KIF21B: variants seen among roughly 807,000 people sequenced by gnomAD.
KIF21B encodes the protein kinesin-like protein KIF21B.
In KIF21B, 85 loss-of-function variants were observed where a neutral mutation model predicts 192.9. The ratio of observed to expected loss-of-function variants is 0.44; its 90% confidence interval spans 0.37 to 0.53. The LOEUF (loss-of-function observed/expected upper bound fraction) is 0.53. Among genes scored for constraint, KIF21B ranks in the 20% least tolerant of loss-of-function variants. The pLI is 0.00. For synonymous variants in KIF21B, 832 were observed against 884.6 expected (o/e 0.94, Z 1.05); for missense variants, 1,716 against 2,194.8 (o/e 0.78, Z 4.36).
rs751075785 is a variant in KIF21B, at chr1:201,000,788, G to C, written c.1403-8C>G. 1 of 1,614,100 alleles carries C rather than the reference G, an allele frequency of 6.2e-7. No homozygotes were observed. The highest frequency in any genetic ancestry group is 1.1e-5 in the South Asian group (1 of 91,090). ...TGGCCTCATTGCCATCGCCTGGAGT[G>C]GGACGGCGGGAAGAAGGGTGCGATA... On this transcript the variant is annotated splice_region_variant and splice_polypyrimidine_tract_variant and intron_variant, in intron 9 of 34. Transcript: ENST00000461742. The surrounding 1 kb of genome is among the most constrained non-coding windows in gnomAD (Gnocchi z 6.0).
chr1:200,986,165 C>T (rs1348183919), intron 26 of KIF21B, among the ~76,000 whole-genome samples: 1 of 151,728 alleles, frequency 6.6e-6, no homozygotes, highest in Non-Finnish European at 1.5e-5. Context: ...TTCTCTCACA[C>T]CATAAGGCCT....
Position 200,999,961 on chromosome 1 carries a change from G to C in KIF21B, c.1689C>G (p.Pro563=), listed in dbSNP as rs1258518801. 6.2e-7 allele frequency: 1 copy of C among 1,613,754 alleles called. No homozygotes were observed. The highest frequency in any genetic ancestry group is 1.1e-5 in the South Asian group (1 of 91,074). ...KKEVRQRRKS[P]EKEAFKKRAK... ...CCCTCTTTTTGAAGGCTTCCTTCTC[G>C]GGGCTGCTCAGGGAGGACAGGGAAG... is the stretch of plus-strand genomic sequence containing the variant. Residue 563 remains proline (P), a synonymous_variant, in exon 12 of 35, where the codon CCC becomes CCG. Coordinates refer to ENST00000461742, the MANE Select transcript of KIF21B (RefSeq NM_001252102.2). The surrounding 1 kb of genome is among the most constrained non-coding windows in gnomAD (Gnocchi z 4.7).
At chr1:200,996,090 A>C in intron 15 of KIF21B, 106 bp downstream of exon 15, 2 of 1,159,340 alleles carry the variant, frequency 1.7e-6, no homozygotes, top group Non-Finnish European at 2.6e-6. Flanking sequence ...TGTGTTGAGA[A>C]GAGAATCCAC....
In KIF21B at chr1:200,999,825, AC is replaced by A; in HGVS notation, c.1767+57del. ...AAGGATGCGGATGGGGCCCCCGCCA[AC>A]CCCAGCAGGGACACAAGGCATGCAT... On this transcript the variant is annotated intron_variant, in intron 12 of 34. Transcript: ENST00000461742. The surrounding 1 kb of genome is among the most constrained non-coding windows in gnomAD (Gnocchi z 4.7). The A allele has an allele frequency of 6.3e-7, 1 of 1,585,084 alleles. No individual in the cohort carries two copies. The highest frequency in any genetic ancestry group is 8.6e-7 in the Non-Finnish European group (1 of 1,157,666).
At chr1:200,996,420 C>T (rs761473559) in intron 14 of KIF21B, 25 bp from the exon 15 acceptor site, 13 of 1,607,968 alleles carry the variant, frequency 8.1e-6, no homozygotes, top group South Asian at 1.1e-5. Context: ...ACGCAGCTGT[C>T]GGTGCTGGGT....
chr1:200,981,542 G>C (rs1655930561), intron 28 of KIF21B, among the ~76,000 whole-genome samples: 1 of 152,230 alleles, frequency 6.6e-6, no homozygotes, highest in South Asian at 2.1e-4. Context: ...CGAGTGTGAG[G>C]GAGGGGTGCT....
In KIF21B at chr1:201,005,698, T is replaced by C; in HGVS notation, c.448-4A>G. The C allele has an allele frequency of 6.2e-7, 1 of 1,613,372 alleles. No individual in the cohort carries two copies. On this transcript the variant is annotated splice_polypyrimidine_tract_variant and splice_region_variant and intron_variant, in intron 3 of 34. Transcript: ENST00000461742. Reference sequence around the variant, plus strand: ...CAAGGATCTCCTCGTTGTAGAGCTGTGCAGGAAGGAAACAGCTGAATTCAT... The same window carrying C: ...CAAGGATCTCCTCGTTGTAGAGCTGCGCAGGAAGGAAACAGCTGAATTCAT...
At chr1:200,981,163 G>C in intron 28 of KIF21B, 67 bp from the exon 29 acceptor site, 1 of 1,514,444 alleles carries the variant, frequency 6.6e-7, no homozygotes, top group Admixed American at 2.3e-5. Flanking sequence ...GCTGATCAAG[G>C]CACGTGTGTG....
chr1:201,017,307 C>G lies in KIF21B; in HGVS notation c.41+6036G>C, dbSNP rs1285147002. Among the ~76,000 whole-genome samples, 15 of 152,200 alleles carry G rather than the reference C, an allele frequency of 9.9e-5. No homozygotes were observed. Among genetic ancestry groups the G allele is most frequent in the Admixed American group, 9.8e-4 (15 of 15,286 alleles). ...TGTCCTGAGTTGGATATATCCCCAG[C>G]CTGCCATTGGCCACACAAGCCTGGC... On this transcript the variant is annotated intron_variant, in intron 1 of 34. Coordinates refer to ENST00000461742, the MANE Select transcript of KIF21B (RefSeq NM_001252102.2). The surrounding 1 kb of genome is among the most constrained non-coding windows in gnomAD (Gnocchi z 4.1).
intron 1 of KIF21B, among the ~76,000 whole-genome samples, chr1:201,010,230 C>T (rs547983315): frequency 9.7e-4 from 148 of 152,198 alleles, no homozygotes; most frequent in Non-Finnish European, 1.2e-3. Context: ...AGGAGTTGGG[C>T]GGGGGAGGGC....
intron 32 of KIF21B, among the ~76,000 whole-genome samples, chr1:200,976,132 C>T (rs1374488333): frequency 6.6e-6 from 1 of 152,156 alleles, no homozygotes; most frequent in Non-Finnish European, 1.5e-5. Context: ...ACTCTGTTGC[C>T]CAGGCTGGAG....
chr1:200,990,397 G>T lies in KIF21B; in HGVS notation c.2836-65C>A. 1 of 1,510,768 alleles carries T rather than the reference G, an allele frequency of 6.6e-7. No homozygotes were observed. The allele number at this position is 1,510,768 out of a possible 1,614,324, so 93.6% of individuals were successfully genotyped here. On this transcript the variant is annotated intron_variant, in intron 19 of 34. Coordinates refer to ENST00000461742, the MANE Select transcript of KIF21B (RefSeq NM_001252102.2). The surrounding 1 kb of genome is among the most constrained non-coding windows in gnomAD (Gnocchi z 5.4). ...AGGCCTCAGGTAGCTGCCAAGCCCT[G>T]CCCATAGCTTCCACCACAGGCTGGC...
chr1:201,006,445 C>A (rs1657824982), intron 3 of KIF21B, among the ~76,000 whole-genome samples: 1 of 152,102 alleles, frequency 6.6e-6, no homozygotes, highest in Non-Finnish European at 1.5e-5. Flanking sequence ...GCAGCTAGGG[C>A]AGCAGCCAAG....
chr1:201,002,243 G>A lies in KIF21B; in HGVS notation c.1320C>T (p.Ala440=). ...ENGALRLRVK[A]MQEAIDAINN... is the part of the protein sequence containing the mutation. ...TGATGGCATCGATGGCCTCCTGCAT[G>A]GCTTTCACCCGCAGCCGCAGGGCCC... Residue 440 remains alanine, a synonymous_variant, in exon 9 of 35, where the codon GCC becomes GCT. Transcript: ENST00000461742. 1 of 1,614,224 alleles carries A rather than the reference G, an allele frequency of 6.2e-7. No individual in the cohort carries two copies. Among genetic ancestry groups the A allele is most frequent in the Non-Finnish European group, 8.5e-7 (1 of 1,180,026 alleles).
Position 201,003,675 on chromosome 1 carries a change from C to T in KIF21B, c.1123G>A (p.Val375Ile). The change falls in exon 8 of 35, where the codon GTA (valine) becomes ATA (isoleucine). Residue 375 changes from valine to isoleucine, a missense_variant. Val to Ile is a conservative substitution (Grantham distance 29, BLOSUM62 3). This residue lies in a region of KIF21B where 1,087 missense variants were observed against 1,316.6 expected (regional missense o/e 0.83). Transcript: ENST00000461742. ...NRARNIKNKV[V>I]VNQDKTSQQI... is the part of the protein sequence containing the mutation. ...TGGCTGGTCTTGTCCTGGTTCACTACCACCTTGTTCTTGATGTTGCGGGCC... is the reference window on the plus strand; with the variant it reads ...TGGCTGGTCTTGTCCTGGTTCACTATCACCTTGTTCTTGATGTTGCGGGCC... 1 of 1,614,208 alleles carries T rather than the reference C, an allele frequency of 6.2e-7. No homozygotes were observed. Among genetic ancestry groups the T allele is most frequent in the Non-Finnish European group, 8.5e-7 (1 of 1,180,034 alleles).
In KIF21B at chr1:200,998,686, C is replaced by G; in HGVS notation, c.1886-111G>C. ...CCTCCTTTGGTCAGCCATGACCAAT[C>G]AGTGACCAGAGACTGGGCAAAATGA... On this transcript the variant is annotated intron_variant, in intron 13 of 34. Coordinates refer to ENST00000461742, the MANE Select transcript of KIF21B (RefSeq NM_001252102.2). The surrounding 1 kb of genome is among the most constrained non-coding windows in gnomAD (Gnocchi z 4.3). 1 of 904,748 alleles carries G rather than the reference C, an allele frequency of 1.1e-6. No homozygotes were observed. The highest frequency in any genetic ancestry group is 1.7e-5 in the African/African-American group (1 of 60,004). 56.0% of individuals were successfully genotyped at this position (904,748 alleles called of 1,614,324 possible). A position where few individuals can be genotyped will look rare whatever the true frequency, so the allele number is the denominator to read the frequency against.
At chr1:201,005,094 G>C (rs1328831643) in intron 5 of KIF21B, among the ~76,000 whole-genome samples, 161 bp from the exon 6 acceptor site, 1 of 152,238 alleles carries the variant, frequency 6.6e-6, no homozygotes, top group East Asian at 1.9e-4. Context: ...GCACAAGCCT[G>C]ATTTCCATTT....
Position 200,975,761 on chromosome 1 carries a change from G to C in KIF21B, c.4444-92C>G, listed in dbSNP as rs1655509930. The C allele has an allele frequency of 7.5e-7, 1 of 1,325,676 alleles. No homozygotes were observed. The highest frequency in any genetic ancestry group is 1.0e-6 in the Non-Finnish European group (1 of 986,360). 82.1% of individuals were successfully genotyped at this position (1,325,676 alleles called of 1,614,324 possible). ...TGGACCCAGAGGCCTGAAGACCCAG[G>C]AGTCTGGCTAGGGTGACAGCCACTG... On this transcript the variant is annotated intron_variant, in intron 32 of 34. Transcript: ENST00000461742. The surrounding 1 kb of genome is among the most constrained non-coding windows in gnomAD (Gnocchi z 4.3).
Position 201,000,565 on chromosome 1 carries a change from G to A in KIF21B, c.1510C>T (p.Arg504Cys), listed in dbSNP as rs765256319. 5 of 1,613,258 alleles carry A rather than the reference G, an allele frequency of 3.1e-6. No homozygotes were observed. In the Admixed American group the frequency reaches 5.0e-5, roughly 16 times the overall value. The change falls in exon 11 of 35, where the codon CGC (arginine) becomes TGC (cysteine). Residue 504 changes from arginine (R) to cysteine (C), a missense_variant. By Grantham distance (180) the Arg-to-Cys change is radical (BLOSUM62 -3). Transcript: ENST00000461742. The surrounding 1 kb of genome is among the most constrained non-coding windows in gnomAD (Gnocchi z 6.0). ...CTAGCCGAGGCCCGTGAGAGGCTGC[G>A]GCGCAGGGACTCGTTCATGGCTTCA... ...ESEAMNESLR[R>C]SLSRASARSP...
Sources: allele counts gnomAD v4.1 joint callset (sites outside exome capture counted in the v4.1 genomes callset), GRCh38; gene constraint gnomAD v4.1.1; regional missense constraint gnomAD v4.1.1; non-coding constraint Gnocchi (gnomAD v3.1); transcripts MANE v1.5; gene names NCBI Gene and HGNC (gene_info 2026-07-23, HGNC 2026-07-21).